MAST4: variants seen among roughly 807,000 people sequenced by gnomAD.
The protein encoded by MAST4 is microtubule-associated serine/threonine-protein kinase 4.
MAST4 carries 89 observed loss-of-function variants against 162.7 expected under a neutral mutation model. The observed-to-expected ratio is 0.55, with a 90% CI of 0.46 to 0.65. The LOEUF (loss-of-function observed/expected upper bound fraction) is 0.65. Ranked by LOEUF, MAST4 falls within the 30% of genes least tolerant of loss-of-function variation. MAST4 has a pLI of 0.00. For missense variants in MAST4, 3,153 were observed against 3,374.0 expected, an observed-to-expected ratio of 0.93 and a Z score of 1.62; for synonymous variants, 1,479 against 1,361.1, an observed-to-expected ratio of 1.09 and a Z score of -1.91.
intron 1 of MAST4, among the ~76,000 whole-genome samples, chr5:66,749,089 T>A (rs533650170): frequency 6.6e-6 from 1 of 151,996 alleles, no homozygotes; most frequent in Non-Finnish European, 1.5e-5. Context: ...CTGCTGCAGG[T>A]TGTAGCAGAC....
chr5:66,657,079 G>T (rs917479357), intron 1 of MAST4, among the ~76,000 whole-genome samples: 5 of 152,220 alleles, frequency 3.3e-5, no homozygotes, highest in East Asian at 1.9e-4. Flanking sequence ...ATTCAGTAAA[G>T]GTAGAAAACT....
At position 67,167,553 on chromosome 5, in the gene MAST4, AAG is replaced by A. The variant is rs1774195327; in HGVS notation, c.*506_*507del. On this transcript the variant is annotated 3_prime_UTR_variant, in exon 29 of 29. Coordinates refer to ENST00000403625, the MANE Select transcript of MAST4 (RefSeq NM_001164664.2). Reference sequence around the variant, plus strand: ...ACCTACATGTTTTGGTCTGTGGTTTAAGAGACTATTTCAAGGTTCCATTTTTA... The same window carrying A: ...ACCTACATGTTTTGGTCTGTGGTTTAAGACTATTTCAAGGTTCCATTTTTA... 1.3e-5 allele frequency: 2 copies of A among 152,482 alleles called. No individual in the cohort carries two copies. The highest frequency in any genetic ancestry group is 4.1e-4 in the South Asian group (2 of 4,832). The allele number at this position is 152,482 out of a possible 1,614,324, so 9.4% of individuals were successfully genotyped here. A position where few individuals can be genotyped will look rare whatever the true frequency, so the allele number is the denominator to read the frequency against.
intron 13 of MAST4, 22 bp from the exon 14 acceptor site, chr5:67,120,995 A>T: frequency 6.5e-7 from 1 of 1,545,310 alleles, no homozygotes; most frequent in African/African-American, 1.4e-5. Context: ...CTACTTTTTA[A>T]CTTCCATATT....
chr5:66,602,506 G>A (rs546705455), intron 1 of MAST4, among the ~76,000 whole-genome samples: 19 of 151,786 alleles, frequency 1.3e-4, no homozygotes, highest in Non-Finnish European at 2.2e-4. Context: ...GAGTCCAGGC[G>A]GATTTTTTTT....
chr5:66,881,249 A>G (rs1006958634), intron 3 of MAST4, among the ~76,000 whole-genome samples: 3 of 152,162 alleles, frequency 2.0e-5, no homozygotes, highest in African/African-American at 7.2e-5. Flanking sequence ...GCAAAATGAC[A>G]GCTGTTTTGG....
At chr5:67,078,911 A>AATATATATATATATAAT (rs1762162017) in intron 5 of MAST4, among the ~76,000 whole-genome samples, 2 of 38,110 alleles carry the variant, frequency 5.2e-5, no homozygotes, top group Non-Finnish European at 8.8e-5. Flanking sequence ...TTTTTATATA[A>AATATATATATATATAAT]ATATATATAT....
intron 5 of MAST4, among the ~76,000 whole-genome samples, chr5:67,069,287 G>GATAGATATATATATATATATATAT (rs1554091653): frequency 8.4e-5 from 9 of 107,630 alleles, no homozygotes; most frequent in African/African-American, 3.7e-4. Flanking sequence ...GAGGAGATTG[G>GATAGATATATATATATATATATAT]ATATATATAT....
intron 3 of MAST4, among the ~76,000 whole-genome samples, chr5:66,807,637 A>C (rs916397240): frequency 2.6e-5 from 4 of 151,864 alleles, no homozygotes; most frequent in African/African-American, 9.7e-5. Context: ...ATCTCTTCCC[A>C]CTCATTCCTC....
intron 4 of MAST4, among the ~76,000 whole-genome samples, chr5:66,974,617 C>T (rs1403376444): frequency 6.6e-6 from 1 of 152,154 alleles, no homozygotes; most frequent in Non-Finnish European, 1.5e-5. Context: ...TCCTTCGTCT[C>T]CAGCTTCTCT....
intron 4 of MAST4, among the ~76,000 whole-genome samples, chr5:67,048,172 GCA>G (rs1376673215): frequency 3.3e-5 from 5 of 152,058 alleles, no homozygotes; most frequent in Non-Finnish European, 5.9e-5. Context: ...TCAATCAAAT[GCA>G]CAGAGTTCTA....
chr5:66,781,612 C>G (rs1336418525), intron 2 of MAST4, among the ~76,000 whole-genome samples: 1 of 152,180 alleles, frequency 6.6e-6, no homozygotes, highest in African/African-American at 2.4e-5. Context: ...TCCCCTTTTC[C>G]TGGTTGGTAC....
chr5:66,824,589 T>G (rs947652289), intron 3 of MAST4, among the ~76,000 whole-genome samples: 1 of 152,238 alleles, frequency 6.6e-6, no homozygotes, highest in Non-Finnish European at 1.5e-5. Context: ...ATTTGCTTAC[T>G]TTGGGGTAAC....
rs561209847 is a variant in MAST4 at position 66,975,730 on chromosome 5, A to G, written c.674+75748A>G. ...CTGTTTAGGCCGGGCACGGTGGCTC[A>G]TGCCTGTAATCCCAGCACTTTGGGA... On this transcript the variant is annotated intron_variant, in intron 4 of 28. Coordinates refer to ENST00000403625, the MANE Select transcript of MAST4 (RefSeq NM_001164664.2). 3.3e-5 allele frequency among the ~76,000 whole-genome samples: 5 copies of G among 152,326 alleles called. No individual in the cohort carries two copies. The East Asian group carries it at 9.6e-4, about 29-fold the overall frequency.
At chr5:66,743,471 G>A (rs557585826) in intron 1 of MAST4, among the ~76,000 whole-genome samples, 60 of 152,318 alleles carry the variant, frequency 3.9e-4, no homozygotes, top group African/African-American at 1.3e-3. Context: ...AAGTTCCTGC[G>A]TGCCTCCCAC....
chr5:66,937,315 C>T (rs369115600), intron 4 of MAST4, among the ~76,000 whole-genome samples: 1 of 152,130 alleles, frequency 6.6e-6, no homozygotes, highest in South Asian at 2.1e-4. Flanking sequence ...CCTCAGTGCA[C>T]GCTCATATGT....
chr5:67,163,791 G>C lies in MAST4; in HGVS notation c.4612G>C (p.Val1538Leu). 6.2e-7 allele frequency: 1 copy of C among 1,612,002 alleles called. No individual in the cohort carries two copies. The highest frequency in any genetic ancestry group is 1.3e-5 in the African/African-American group (1 of 75,044). Residue 1538 changes from valine to leucine, a missense_variant, in exon 29 of 29, where the codon GTG becomes CTG. Physicochemically the swap from Val to Leu is conservative, Grantham distance 32. This residue lies in a region of MAST4 where 1,644 missense variants were observed against 1,495.0 expected (regional missense o/e 1.10). Coordinates refer to ENST00000403625, the MANE Select transcript of MAST4 (RefSeq NM_001164664.2). This position sits in a 1 kb window ranked among gnomAD's most constrained non-coding sequence, Gnocchi z 7.0. ...CGACAAGCTGAAGGCCAAGGTGGTG[G>C]TGAAGAAAGCAGACGGCTTCCCAGA... is the stretch of plus-strand genomic sequence containing the variant. Reference protein sequence around the residue: ...DRDKLKAKVVVKKADGFPEKQ... With the variant: ...DRDKLKAKVVLKKADGFPEKQ...
At chr5:66,851,280 A>G (rs1175797714) in intron 3 of MAST4, among the ~76,000 whole-genome samples, 1 of 152,178 alleles carries the variant, frequency 6.6e-6, no homozygotes, top group Non-Finnish European at 1.5e-5. Context: ...CTTTGTATCT[A>G]TCTATTCAAA....
At chr5:67,103,525 A>G (rs1765264966) in intron 9 of MAST4, among the ~76,000 whole-genome samples, 1 of 152,196 alleles carries the variant, frequency 6.6e-6, no homozygotes, top group Admixed American at 6.5e-5. Context: ...AGGAGGAGGG[A>G]GGAAGGAGAG....
intron 4 of MAST4, among the ~76,000 whole-genome samples, chr5:67,011,708 A>G (rs1242154494): frequency 6.6e-6 from 1 of 152,194 alleles, no homozygotes; most frequent in East Asian, 1.9e-4. Context: ...TGGGCATCTA[A>G]GGCTTACCAG....
Sources: allele counts gnomAD v4.1 joint callset (sites outside exome capture counted in the v4.1 genomes callset), GRCh38; gene constraint gnomAD v4.1.1; regional missense constraint gnomAD v4.1.1; non-coding constraint Gnocchi (gnomAD v3.1); transcripts MANE v1.5; gene names NCBI Gene and HGNC (gene_info 2026-07-23, HGNC 2026-07-21).